DPP10: variants seen among roughly 807,000 people sequenced by gnomAD.
The protein encoded by DPP10 is dipeptidyl peptidase like 10.
DPP10 carries 33 observed loss-of-function variants against 120.9 expected under a neutral mutation model. The observed-to-expected ratio is 0.27, with a 90% CI of 0.21 to 0.37. The LOEUF is 0.37. DPP10 is among the 10% of genes least tolerant of loss of function. The pLI is 1.00. For synonymous variants in DPP10, 337 were observed against 326.1 expected (o/e 1.03, Z -0.36); for missense variants, 816 against 942.8 (o/e 0.87, Z 1.76).
chr2:114,756,999 C>A (rs1257269525), intron 1 of DPP10, among the ~76,000 whole-genome samples: 2 of 151,622 alleles, frequency 1.3e-5, no homozygotes, highest in Non-Finnish European at 2.9e-5. Flanking sequence ...TAGCACCTAG[C>A]CTAACGCTCA....
intron 1 of DPP10, among the ~76,000 whole-genome samples, chr2:114,578,023 T>C (rs946151533): frequency 1.8e-4 from 28 of 152,208 alleles, no homozygotes; most frequent in African/African-American, 6.3e-4. Flanking sequence ...CTTCAAAATA[T>C]AAATTTTGGG....
intron 3 of DPP10, among the ~76,000 whole-genome samples, chr2:115,407,215 A>C (rs572904931): frequency 7.5e-4 from 114 of 152,176 alleles, no homozygotes; most frequent in Non-Finnish European, 1.2e-3. Flanking sequence ...TCAGTCAGGA[A>C]AAGGGAAGGC....
chr2:115,279,032 T>G (rs1245523951), intron 1 of DPP10, among the ~76,000 whole-genome samples: 1 of 152,146 alleles, frequency 6.6e-6, no homozygotes, highest in African/African-American at 2.4e-5. Flanking sequence ...TTTGATTAGG[T>G]TATGATTTAT....
intron 1 of DPP10, among the ~76,000 whole-genome samples, chr2:114,561,002 C>T (rs1157267940): frequency 6.6e-6 from 1 of 152,162 alleles, no homozygotes; most frequent in Admixed American, 6.5e-5. Context: ...GTTCTCACAG[C>T]TCCATCCAGC....
intron 1 of DPP10, among the ~76,000 whole-genome samples, chr2:115,027,745 C>T (rs10168690): frequency 5.1e-4 from 78 of 152,182 alleles, no homozygotes; most frequent in African/African-American, 1.8e-3. Flanking sequence ...AGGTCCTAGG[C>T]TCTTCTTTGA....
chr2:114,710,113 T>C (rs1700927865), intron 1 of DPP10, among the ~76,000 whole-genome samples: 1 of 152,232 alleles, frequency 6.6e-6, no homozygotes, highest in Non-Finnish European at 1.5e-5. Flanking sequence ...TGGTATAGAA[T>C]AGATGTTGAC....
chr2:114,623,144 C>T (rs917676152), intron 1 of DPP10, among the ~76,000 whole-genome samples: 8 of 152,050 alleles, frequency 5.3e-5, no homozygotes, highest in Non-Finnish European at 1.0e-4. Flanking sequence ...AAGGAGAATT[C>T]GGTTGACCCA....
chr2:114,805,106 A>T (rs2106299107), intron 1 of DPP10, among the ~76,000 whole-genome samples: 1 of 152,140 alleles, frequency 6.6e-6, no homozygotes, highest in East Asian at 1.9e-4. Context: ...TGGCTTCTTC[A>T]TTATTTTCTC....
intron 5 of DPP10, among the ~76,000 whole-genome samples, chr2:115,608,768 G>A (rs1353179938): frequency 6.6e-6 from 1 of 152,046 alleles, no homozygotes; most frequent in Non-Finnish European, 1.5e-5. Flanking sequence ...AAAGTGGGGA[G>A]TATAAGAAGA....
chr2:114,747,955 A>T (rs529954637), intron 1 of DPP10, among the ~76,000 whole-genome samples: 6 of 152,350 alleles, frequency 3.9e-5, no homozygotes, highest in African/African-American at 1.4e-4. Flanking sequence ...ACTGTTGGTT[A>T]CTGGCCCCCC....
At position 115,010,335 on chromosome 2, in the gene DPP10, T is replaced by G. The variant is rs1035983206; in HGVS notation, c.61-298904T>G. Among the ~76,000 whole-genome samples the G allele has an allele frequency of 2.0e-5, 3 of 152,218 alleles. No homozygotes were observed. In the South Asian group the frequency reaches 6.2e-4, roughly 31 times the overall value. On this transcript the variant is annotated intron_variant, in intron 1 of 25. Transcript: ENST00000410059. ...TAAGCACCATTCAAGAGACCTTCTT[T>G]CTGCCTCATTAAATAAGTTAATCAT...
intron 1 of DPP10, among the ~76,000 whole-genome samples, chr2:114,689,876 C>T (rs1699622659): frequency 6.6e-6 from 1 of 151,670 alleles, no homozygotes; most frequent in Non-Finnish European, 1.5e-5. Context: ...GCGTGTATGT[C>T]TTCTTTTGAG....
At chr2:114,968,825 C>T (rs1699208493) in intron 1 of DPP10, among the ~76,000 whole-genome samples, 1 of 152,146 alleles carries the variant, frequency 6.6e-6, no homozygotes, top group Non-Finnish European at 1.5e-5. Context: ...GATTCTTTCC[C>T]CAGAGTACCC....
intron 1 of DPP10, among the ~76,000 whole-genome samples, chr2:114,850,715 T>C (rs1485377641): frequency 6.6e-6 from 1 of 152,140 alleles, no homozygotes; most frequent in Non-Finnish European, 1.5e-5. Flanking sequence ...TCTCTATAGA[T>C]ACCATAACCA....
intron 1 of DPP10, among the ~76,000 whole-genome samples, chr2:114,537,343 C>T (rs1374916226): frequency 6.6e-6 from 1 of 151,962 alleles, no homozygotes; most frequent in African/African-American, 2.4e-5. Flanking sequence ...CAGTTAGGAT[C>T]TCTCGGAAGG....
At chr2:115,498,510 A>C (rs1434899816) in intron 3 of DPP10, among the ~76,000 whole-genome samples, 2 of 151,852 alleles carry the variant, frequency 1.3e-5, no homozygotes, top group Admixed American at 1.3e-4. Flanking sequence ...TTCATTCACT[A>C]TAAGTAGTGA....
At chr2:115,200,888 G>A (rs2105293447) in intron 1 of DPP10, among the ~76,000 whole-genome samples, 1 of 152,266 alleles carries the variant, frequency 6.6e-6, no homozygotes, top group East Asian at 1.9e-4. Flanking sequence ...AGACTTCAGA[G>A]TTTTATCCCA....
intron 21 of DPP10, among the ~76,000 whole-genome samples, chr2:115,827,158 A>G (rs765669274): frequency 1.5e-4 from 22 of 151,516 alleles, no homozygotes; most frequent in Non-Finnish European, 2.8e-4. Context: ...CATTATTTTG[A>G]TGGTTCCTTT....
intron 5 of DPP10, among the ~76,000 whole-genome samples, chr2:115,565,748 G>GT (rs11327867): frequency 3.6e-5 from 5 of 138,484 alleles, no homozygotes; most frequent in East Asian, 2.1e-4. Context: ...GAGGTTATGG[G>GT]TTTTTTTTTT....
Sources: gnomAD v4.1 joint callset for allele counts (sites outside exome capture counted in the v4.1 genomes callset) on GRCh38, gnomAD v4.1.1 for gene constraint, MANE v1.5 for transcripts, NCBI Gene and HGNC (gene_info 2026-07-23, HGNC 2026-07-21) for gene names.